The following BTBD16 variants were observed in gnomAD, a reference collection of about 807,000 sequenced individuals.
BTBD16 encodes the protein BTB domain containing 16.
BTBD16 carries 66 observed loss-of-function variants against 67.4 expected under a neutral mutation model. The ratio of observed to expected loss-of-function variants is 0.98; its 90% CI spans 0.80 to 1.20. The LOEUF (loss-of-function observed/expected upper bound fraction) is 1.20, where lower values mean the gene tolerates loss of function less well. BTBD16 is among the 50% of genes most tolerant of loss of function. BTBD16 has a pLI of 0.00. For synonymous variants in BTBD16, 242 were observed against 236.4 expected, an observed-to-expected ratio of 1.02 and a Z score of -0.22; for missense variants, 634 against 616.0, an observed-to-expected ratio of 1.03 and a Z score of -0.31.
chr10:122,294,266 G>A (rs185323188), intron 7 of BTBD16: 3 of 959,718 alleles, frequency 3.1e-6, no homozygotes, highest in African/African-American at 1.8e-5. Flanking sequence ...AGTGCCCCAG[G>A]TCACTCTGAT....
intron 11 of BTBD16, among the ~76,000 whole-genome samples, chr10:122,330,595 AC>A (rs1181106687): frequency 6.6e-6 from 1 of 152,222 alleles, no homozygotes; most frequent in Non-Finnish European, 1.5e-5. Context: ...ATAATATGTT[AC>A]ACTTAAATTG....
chr10:122,299,939 C>T (rs931798650), intron 9 of BTBD16, among the ~76,000 whole-genome samples: 1 of 152,154 alleles, frequency 6.6e-6, no homozygotes, highest in Non-Finnish European at 1.5e-5. Context: ...CCACGGGGCC[C>T]CCCCTGAAAC....
At chr10:122,307,447 C>A in intron 10 of BTBD16, 139 bp downstream of exon 10, 3 of 838,900 alleles carry the variant, frequency 3.6e-6, no homozygotes, top group South Asian at 2.2e-5. Context: ...TTTAATAGGG[C>A]CTAAGATTAT....
At chr10:122,292,870 A>G (rs2096376665) in intron 7 of BTBD16, among the ~76,000 whole-genome samples, 1 of 152,250 alleles carries the variant, frequency 6.6e-6, no homozygotes, top group South Asian at 2.1e-4. Flanking sequence ...AGTATCTATA[A>G]TAAGAAAGAG....
chr10:122,307,139 G>T, intron 9 of BTBD16, 50 bp from the exon 10 acceptor site: 2 of 1,558,558 alleles, frequency 1.3e-6, no homozygotes, highest in South Asian at 2.5e-5. Context: ...CAAGCAGCGT[G>T]ATTTTGTGCT....
intron 5 of BTBD16, 47 bp downstream of exon 5, chr10:122,286,295 C>T (rs779318072): frequency 1.9e-6 from 3 of 1,555,366 alleles, no homozygotes; most frequent in Non-Finnish European, 2.6e-6. Context: ...TGCCCTCTAG[C>T]TTGACGGTCC....
At chr10:122,305,279 A>G (rs1391243307) in intron 9 of BTBD16, among the ~76,000 whole-genome samples, 1 of 152,200 alleles carries the variant, frequency 6.6e-6, no homozygotes, top group East Asian at 1.9e-4. Context: ...AATATCCTTG[A>G]TATAGTTTAG....
At chr10:122,330,085 C>T (rs969438997) in intron 11 of BTBD16, among the ~76,000 whole-genome samples, 10 of 152,280 alleles carry the variant, frequency 6.6e-5, no homozygotes, top group Middle Eastern at 3.4e-3. Flanking sequence ...AGAACATTTT[C>T]AAAGCCATTT....
intron 11 of BTBD16, 159 bp from the exon 12 acceptor site, chr10:122,331,017 C>A (rs987822896): frequency 9.8e-6 from 4 of 409,572 alleles, no homozygotes; most frequent in East Asian, 3.2e-4. Context: ...GACCCTGAGA[C>A]GTTTTATTTC....
intron 5 of BTBD16, among the ~76,000 whole-genome samples, chr10:122,288,672 A>G (rs1038386822): frequency 6.6e-6 from 1 of 152,160 alleles, no homozygotes; most frequent in Admixed American, 6.5e-5. Flanking sequence ...AGTAGTAAAT[A>G]GAAGGTCGTG....
Position 122,338,143 on chromosome 10 carries a change from A to C in BTBD16, c.*58A>C, listed in dbSNP as rs2096466238. ...CCACTGGTCTGCATAAAAGAAAATA[A>C]AATGACATAAAAGGGAGCACTCAAG... is the stretch of plus-strand genomic sequence containing the variant. On this transcript the variant is annotated 3_prime_UTR_variant, in exon 16 of 16. Transcript: ENST00000260723. The C allele has an allele frequency of 2.2e-6, 3 of 1,373,158 alleles. No homozygotes were observed. Among genetic ancestry groups the C allele is most frequent in the Non-Finnish European group, 3.1e-6 (3 of 972,124 alleles). 85.1% of individuals were successfully genotyped at this position (1,373,158 alleles called of 1,614,324 possible).
intron 10 of BTBD16, among the ~76,000 whole-genome samples, chr10:122,319,963 A>G (rs1442070646): frequency 6.6e-6 from 1 of 152,130 alleles, no homozygotes; most frequent in Non-Finnish European, 1.5e-5. Context: ...TATTAACACT[A>G]TTGTAAGAGG....
rs1458053837 is a variant in BTBD16 at position 122,286,125 on chromosome 10, G to A, written c.262G>A (p.Gly88Ser). 81 of 1,613,364 alleles carry A rather than the reference G, an allele frequency of 5.0e-5. No homozygotes were observed. The highest frequency in any genetic ancestry group is 6.3e-5 in the Non-Finnish European group (74 of 1,179,606). Residue 88 changes from glycine (G) to serine (S), a missense_variant, in exon 5 of 16, where the codon GGC becomes AGC. Physicochemically the swap from Gly to Ser is moderately conservative, Grantham distance 56. Transcript: ENST00000260723. Reference sequence around the variant, plus strand: ...CTCAGATGTGATTCTCGAGTGCCTGGGCTTCAAATGGGAGCTCCATCAGCC... The same window carrying A: ...CTCAGATGTGATTCTCGAGTGCCTGAGCTTCAAATGGGAGCTCCATCAGCC... ...GEADVILECLGFKWELHQPQL... is the reference protein window; with the variant it reads ...GEADVILECLSFKWELHQPQL...
At chr10:122,276,341 C>T (rs557147460) in intron 2 of BTBD16, among the ~76,000 whole-genome samples, 4 of 152,238 alleles carry the variant, frequency 2.6e-5, no homozygotes, top group Middle Eastern at 3.4e-3. Context: ...CCAAATTGTA[C>T]ACTGTAAAAT....
At position 122,272,926 on chromosome 10, in the gene BTBD16, A is replaced by G. The variant is rs549378410; in HGVS notation, c.-43+1412A>G. The stretch of plus-strand genomic sequence containing the variant: ...AGAAAAGAAAAATTAAACAGCCAAT[A>G]AATAGATAAAAGAATGCTCAACCCC... On this transcript the variant is annotated intron_variant, in intron 1 of 15. Coordinates refer to ENST00000260723, the MANE Select transcript of BTBD16 (RefSeq NM_144587.5). Among the ~76,000 whole-genome samples the G allele has an allele frequency of 2.4e-4, 36 of 152,258 alleles. No individual in the cohort carries two copies. The South Asian group carries it at 6.8e-3, about 29-fold the overall frequency.
At chr10:122,328,654 T>C in intron 10 of BTBD16, 1 of 645,478 alleles carries the variant, frequency 1.5e-6, no homozygotes, top group Non-Finnish European at 1.9e-6. Flanking sequence ...GTGGGTCCTA[T>C]GCAGGCTCTG....
intron 5 of BTBD16, among the ~76,000 whole-genome samples, chr10:122,287,864 C>T (rs143007824): frequency 1.6e-3 from 238 of 152,172 alleles, no homozygotes; most frequent in African/African-American, 5.4e-3. Flanking sequence ...AGGAAGTGGC[C>T]CACTTACTAA....
chr10:122,288,936 T>C (rs892833376), intron 5 of BTBD16, among the ~76,000 whole-genome samples: 132 of 152,244 alleles, frequency 8.7e-4, no homozygotes, highest in African/African-American at 3.1e-3. Context: ...GCCTTGGCTT[T>C]TGTGCCAAGG....
chr10:122,285,937 C>T (rs1010357544), intron 4 of BTBD16, among the ~76,000 whole-genome samples, 168 bp from the exon 5 acceptor site: 5 of 152,114 alleles, frequency 3.3e-5, no homozygotes, highest in Admixed American at 1.3e-4. Flanking sequence ...ACTAAGCCCC[C>T]GAGGCCCACA....
Sources: gnomAD v4.1 joint callset for allele counts (sites outside exome capture counted in the v4.1 genomes callset) on GRCh38, gnomAD v4.1.1 for gene constraint, MANE v1.5 for transcripts, NCBI Gene and HGNC (gene_info 2026-07-23, HGNC 2026-07-21) for gene names.